Variants in COG5 observed in about 807,000 individuals in gnomAD.
COG5 encodes the protein conserved oligomeric Golgi complex subunit 5.
Under a neutral mutation model 110.4 loss-of-function variants are expected in COG5, and 86 were observed. The ratio of observed to expected loss-of-function variants is 0.78; its 90% CI spans 0.65 to 0.93. COG5 has a LOEUF of 0.93. Ranked by LOEUF, COG5 falls within the 40% of genes least tolerant of loss-of-function variation. The probability of loss-of-function intolerance (pLI) is 0.00; values close to 1 mark genes in which losing one functional copy is unlikely to be tolerated. For synonymous variants in COG5, 360 were observed against 334.6 expected (o/e 1.08, Z -0.83); for missense variants, 1,077 against 987.0 (o/e 1.09, Z -1.22).
At chr7:107,504,081 C>T (rs1798810824) in intron 6 of COG5, among the ~76,000 whole-genome samples, 1 of 152,122 alleles carries the variant, frequency 6.6e-6, no homozygotes, top group South Asian at 2.1e-4. Context: ...TTCCAGTTCT[C>T]AGGGGGAAGG....
At chr7:107,531,215 A>G (rs777592647) in intron 5 of COG5, among the ~76,000 whole-genome samples, 1 of 152,030 alleles carries the variant, frequency 6.6e-6, no homozygotes, top group Non-Finnish European at 1.5e-5. Flanking sequence ...TATTCCCTTG[A>G]TGCAGTTTAA....
At chr7:107,209,862 G>A in intron 21 of COG5, 1 of 985,836 alleles carries the variant, frequency 1.0e-6, no homozygotes, top group Non-Finnish European at 1.2e-6. Flanking sequence ...GCTACAGAGT[G>A]GTAAGGTAAA....
At chr7:107,504,503 C>T (rs1217376504) in intron 6 of COG5, among the ~76,000 whole-genome samples, 1 of 151,958 alleles carries the variant, frequency 6.6e-6, no homozygotes, top group Admixed American at 6.6e-5. Flanking sequence ...AGGGTAATAC[C>T]GGCTTCAAAG....
At chr7:107,447,556 A>G (rs1481534459) in intron 6 of COG5, among the ~76,000 whole-genome samples, 1 of 152,204 alleles carries the variant, frequency 6.6e-6, no homozygotes, top group African/African-American at 2.4e-5. Flanking sequence ...GGTGTTCAGT[A>G]TATCACATAT....
intron 14 of COG5, among the ~76,000 whole-genome samples, chr7:107,261,393 T>C (rs1803336343): frequency 6.6e-6 from 1 of 152,124 alleles, no homozygotes; most frequent in Non-Finnish European, 1.5e-5. Context: ...TTATGGCCCT[T>C]TACCCCTAAA....
chr7:107,506,107 C>T (rs1798976583), intron 6 of COG5, among the ~76,000 whole-genome samples: 2 of 152,116 alleles, frequency 1.3e-5, no homozygotes, highest in South Asian at 4.1e-4. Flanking sequence ...TCCTGGTTGG[C>T]CAGGGTAGTA....
intron 6 of COG5, among the ~76,000 whole-genome samples, chr7:107,477,946 G>A (rs1041318341): frequency 1.6e-4 from 24 of 151,942 alleles, no homozygotes; most frequent in African/African-American, 5.5e-4. Flanking sequence ...AATTCTTCCT[G>A]TTAGAATGAA....
intron 7 of COG5, among the ~76,000 whole-genome samples, chr7:107,394,702 T>C (rs1211367930): frequency 6.6e-6 from 1 of 152,192 alleles, no homozygotes; most frequent in Non-Finnish European, 1.5e-5. Flanking sequence ...TTTTTAAAAC[T>C]TTATATAATT....
intron 6 of COG5, among the ~76,000 whole-genome samples, chr7:107,448,901 C>T (rs143312602): frequency 0.02 from 3,051 of 151,816 alleles, 97 homozygotes; most frequent in African/African-American, 0.071. Flanking sequence ...TATGTGGATA[C>T]CAGTCTATTT....
At chr7:107,363,898 T>G (rs1242096859) in intron 8 of COG5, among the ~76,000 whole-genome samples, 1 of 150,230 alleles carries the variant, frequency 6.7e-6, no homozygotes, top group Non-Finnish European at 1.5e-5. Context: ...GAGGTTACAA[T>G]GAGCCGAGAT....
intron 10 of COG5, among the ~76,000 whole-genome samples, chr7:107,345,203 G>T (rs7788330): frequency 0.19 from 29,302 of 151,964 alleles, 3,371 homozygotes; most frequent in East Asian, 0.33. Flanking sequence ...ATATGGGGGC[G>T]TTCATGGTGC....
At chr7:107,520,529 G>A (rs189753811) in intron 6 of COG5, among the ~76,000 whole-genome samples, 2 of 152,234 alleles carry the variant, frequency 1.3e-5, no homozygotes, top group Admixed American at 1.3e-4. Flanking sequence ...AATCATGAAT[G>A]AACTCCCACT....
chr7:107,297,443 CTTTTTTTT>C (rs71314693), intron 12 of COG5, among the ~76,000 whole-genome samples: 1 of 77,986 alleles, frequency 1.3e-5, no homozygotes, highest in Non-Finnish European at 2.3e-5. Flanking sequence ...TACATTCTGC[CTTTTTTTT>C]TTTTTTTTTT....
At chr7:107,246,712 CA>C (rs1424195932) in intron 17 of COG5, among the ~76,000 whole-genome samples, 39 of 151,920 alleles carry the variant, frequency 2.6e-4, no homozygotes, top group Non-Finnish European at 4.7e-4. Flanking sequence ...ATTAAAAAGA[CA>C]AAAAAATAAG....
intron 11 of COG5, among the ~76,000 whole-genome samples, chr7:107,301,611 T>C (rs1807275022): frequency 1.3e-5 from 2 of 152,138 alleles, no homozygotes; most frequent in Admixed American, 1.3e-4. Context: ...GTGGCTTGTG[T>C]AGTGAATAGT....
Position 107,474,025 on chromosome 7 carries a change from C to T in COG5, c.538+53212G>A. 1 of 1,089,078 alleles carries T rather than the reference C, an allele frequency of 9.2e-7. No homozygotes were observed. Among genetic ancestry groups the T allele is most frequent in the Non-Finnish European group, 1.3e-6 (1 of 742,794 alleles). 67.5% of individuals were successfully genotyped at this position (1,089,078 alleles called of 1,614,324 possible). Reference sequence around the variant, plus strand: ...AAATATCAAATAGTTTATTCTATTTCACTTTCTAGGGAAAAAAACCAACTG... The same window carrying T: ...AAATATCAAATAGTTTATTCTATTTTACTTTCTAGGGAAAAAAACCAACTG... On this transcript the variant is annotated intron_variant, in intron 6 of 21. Transcript: ENST00000297135. The surrounding 1 kb of genome is among the most constrained non-coding windows in gnomAD (Gnocchi z 5.7).
chr7:107,210,807 G>A (rs1438405102), intron 20 of COG5, among the ~76,000 whole-genome samples: 1 of 152,150 alleles, frequency 6.6e-6, no homozygotes, highest in Non-Finnish European at 1.5e-5. Context: ...ATTGATGGTG[G>A]GTCAGCAAAG....
At chr7:107,258,450 TCACACACACACATA>T (rs1381791531) in intron 14 of COG5, 67 bp from the exon 15 acceptor site, 6 of 704,166 alleles carry the variant, frequency 8.5e-6, no homozygotes, top group Admixed American at 4.1e-5. Context: ...TCTCTCTCTC[TCACACACACACATA>T]CACACACACA....
intron 6 of COG5, among the ~76,000 whole-genome samples, chr7:107,458,718 G>T (rs1795811126): frequency 6.6e-6 from 1 of 152,060 alleles, no homozygotes; most frequent in African/African-American, 2.4e-5. Flanking sequence ...AATTAGCCAG[G>T]TGTGGTGGTA....
Sources: gnomAD v4.1 joint callset for allele counts (sites outside exome capture counted in the v4.1 genomes callset) on GRCh38, gnomAD v4.1.1 for gene constraint, Gnocchi (gnomAD v3.1) non-coding constraint, MANE v1.5 for transcripts, NCBI Gene and HGNC (gene_info 2026-07-23, HGNC 2026-07-21) for gene names.